The following ACOX1 variants were observed in gnomAD, a reference collection of about 807,000 sequenced individuals.
ACOX1 encodes the protein peroxisomal acyl-coenzyme A oxidase 1.
Under a neutral mutation model 75.5 loss-of-function variants are expected in ACOX1, and 41 were observed. The observed-to-expected ratio is 0.54, with a 90% CI of 0.42 to 0.70. The LOEUF is 0.70. Among genes scored for constraint, ACOX1 ranks in the 30% least tolerant of loss-of-function variants. The probability of loss-of-function intolerance (pLI) is 0.00; values close to 1 mark genes in which losing one functional copy is unlikely to be tolerated. For missense variants in ACOX1, 630 were observed against 837.5 expected, an observed-to-expected ratio of 0.75 and a Z score of 3.06; for synonymous variants, 303 against 298.8, an observed-to-expected ratio of 1.01 and a Z score of -0.15.
intron 6 of ACOX1, among the ~76,000 whole-genome samples, chr17:75,954,714 G>A (rs1230587045): frequency 1.3e-5 from 2 of 150,228 alleles, no homozygotes; most frequent in African/African-American, 4.9e-5. Context: ...TGAGATTACA[G>A]GCGTGTGCCA....
rs1221029962 is a variant in ACOX1 at position 75,978,241 on chromosome 17, CCCG to C, written c.269+290_269+292del. ...TCCCGAGTAGCTGGAACTACAGGCGCCCGCCACCACGCCCGGCTAATTTTTGTA... is the reference window on the plus strand; with the variant it reads ...TCCCGAGTAGCTGGAACTACAGGCGCCCACCACGCCCGGCTAATTTTTGTA... On this transcript the variant is annotated intron_variant, in intron 2 of 13. Transcript: ENST00000293217. The surrounding 1 kb of genome is among the most constrained non-coding windows in gnomAD (Gnocchi z 4.2). 1.3e-4 allele frequency among the ~76,000 whole-genome samples: 20 copies of C among 152,088 alleles called. No homozygotes were observed. Among genetic ancestry groups the C allele is most frequent in the African/African-American group, 4.8e-4 (20 of 41,412 alleles).
chr17:75,949,251 TAC>T lies in ACOX1; in HGVS notation c.1692_1693del (p.Tyr565TrpfsTer43). 6.2e-7 allele frequency: 1 copy of T among 1,614,230 alleles called. No homozygotes were observed. The highest frequency in any genetic ancestry group is 8.5e-7 in the Non-Finnish European group (1 of 1,180,036). On this transcript the variant is annotated frameshift_variant, in exon 12 of 14. Transcript: ENST00000293217. LOFTEE classifies it high-confidence loss of function. ...ATCCCCCGCGTTCTGACTGATTCCA[TAC>T]AGAGAATACAGCAGACATAAACTCC...
rs1259785428 is a variant in ACOX1, at chr17:75,978,925, T to C, written c.109+40A>G. 2 of 1,605,898 alleles carry C rather than the reference T, an allele frequency of 1.2e-6. No individual in the cohort carries two copies. The highest frequency in any genetic ancestry group is 2.7e-5 in the African/African-American group (2 of 74,806). On this transcript the variant is annotated intron_variant, in intron 1 of 13. Transcript: ENST00000293217. This position sits in a 1 kb window ranked among gnomAD's most constrained non-coding sequence, Gnocchi z 4.2. Reference sequence around the variant, plus strand: ...CTCCGCATCGAGGGAGTCTCCAGCTTTTCTCGGGAAAGGAGGGAGGTCTCG... The same window carrying C: ...CTCCGCATCGAGGGAGTCTCCAGCTCTTCTCGGGAAAGGAGGGAGGTCTCG...
chr17:75,948,359 T>A lies in ACOX1; in HGVS notation c.1827A>T (p.Ala609=), dbSNP rs1232205530. The A allele has an allele frequency of 6.2e-7, 1 of 1,614,148 alleles. No individual in the cohort carries two copies. Among genetic ancestry groups the A allele is most frequent in the South Asian group, 1.1e-5 (1 of 91,080 alleles). The change falls in exon 13 of 14, where the codon GCA becomes GCT. Residue 609 remains alanine (A), a synonymous_variant. Coordinates refer to ENST00000293217, the MANE Select transcript of ACOX1 (RefSeq NM_004035.7). ...IRSDAVALVD[A]FDFQDVTLGS... ...CAAGTGTCACATCCTGAAAATCAAA[T>A]GCATCAACCAAAGCAACAGCATCTG...
At position 75,978,295 on chromosome 17, in the gene ACOX1, G is replaced by A. The variant is rs1433333833; in HGVS notation, c.269+239C>T. 6.6e-6 allele frequency among the ~76,000 whole-genome samples: 1 copy of A among 151,810 alleles called. No individual in the cohort carries two copies. The highest frequency in any genetic ancestry group is 1.9e-4 in the East Asian group (1 of 5,162). The stretch of plus-strand genomic sequence containing the variant: ...TTTTCAGTAGAGATGGGGTTTCACC[G>A]TGTTAGCCAGAATGGTCTCGATCTC... On this transcript the variant is annotated intron_variant, in intron 2 of 13. Coordinates refer to ENST00000293217, the MANE Select transcript of ACOX1 (RefSeq NM_004035.7). The surrounding 1 kb of genome is among the most constrained non-coding windows in gnomAD (Gnocchi z 4.2).
At chr17:75,973,003 C>T (rs929504934) in intron 2 of ACOX1, among the ~76,000 whole-genome samples, 2 of 152,148 alleles carry the variant, frequency 1.3e-5, no homozygotes, top group African/African-American at 4.8e-5. Context: ...GAAAACAAAC[C>T]TATTTCACAT....
chr17:75,958,590 C>T (rs1219013627), intron 3 of ACOX1, among the ~76,000 whole-genome samples: 7 of 151,438 alleles, frequency 4.6e-5, no homozygotes, highest in African/African-American at 1.5e-4. Flanking sequence ...GGGCGGATCA[C>T]AAAGTCAGGA....
At chr17:75,957,390 T>C in intron 4 of ACOX1, 69 bp downstream of exon 4, 1 of 1,373,744 alleles carries the variant, frequency 7.3e-7, no homozygotes, top group Non-Finnish European at 1.0e-6. Flanking sequence ...TCATAAAAGC[T>C]CTACATTCTA....
In ACOX1 at chr17:75,945,725, T is replaced by G. The variant is rs886053450; in HGVS notation, c.*1023A>C. ...ACAAAGCCATACATAGAGTAAGAAA[T>G]AGAACCTATGGAACTTCCATTTTTC... On this transcript the variant is annotated 3_prime_UTR_variant, in exon 14 of 14. Coordinates refer to ENST00000293217, the MANE Select transcript of ACOX1 (RefSeq NM_004035.7). 9 of 153,778 alleles carry G rather than the reference T, an allele frequency of 5.9e-5. No homozygotes were observed. Among genetic ancestry groups the G allele is most frequent in the Non-Finnish European group, 5.9e-5 (4 of 68,022 alleles). The allele number at this position is 153,778 out of a possible 1,614,324, so 9.5% of individuals were successfully genotyped here.
At position 75,979,080 on chromosome 17, in the gene ACOX1, GA is replaced by G; in HGVS notation, c.-8del. 1 of 1,610,852 alleles carries G rather than the reference GA, an allele frequency of 6.2e-7. No individual in the cohort carries two copies. Among genetic ancestry groups the G allele is most frequent in the South Asian group, 1.1e-5 (1 of 91,082 alleles). On this transcript the variant is annotated 5_prime_UTR_variant, in exon 1 of 14. Coordinates refer to ENST00000293217, the MANE Select transcript of ACOX1 (RefSeq NM_004035.7). ...TGCGCAGGTCCGGGTTCATGGCGAC[GA>G]CCAGCTGGCAGCGAAGTAAGCACCG...
rs562126644 is a variant in ACOX1 at position 75,953,586 on chromosome 17, C to T, written c.809G>A (p.Ser270Asn). The change falls in exon 7 of 14, where the codon AGT becomes AAT. Residue 270 changes from serine to asparagine, a missense_variant. Coordinates refer to ENST00000293217, the MANE Select transcript of ACOX1 (RefSeq NM_004035.7). ...CATGGTCCCGTAAGTCAGCTTGTTA[C>T]TCAGCGGTTTCACGTATGTGCCATC... ...KPDGTYVKPL[S>N]NKLTYGTMVF... 1.2e-5 allele frequency: 19 copies of T among 1,614,178 alleles called. No homozygotes were observed. The African/African-American group carries it at 2.4e-4, about 20-fold the overall frequency.
intron 2 of ACOX1, among the ~76,000 whole-genome samples, chr17:75,962,027 A>AT (rs941350321): frequency 1.3e-5 from 2 of 151,838 alleles, no homozygotes; most frequent in Non-Finnish European, 1.5e-5. Flanking sequence ...CTAGGCTGGG[A>AT]TTTTTTTTCT....
At chr17:75,977,285 T>G (rs1315769591) in intron 2 of ACOX1, among the ~76,000 whole-genome samples, 1 of 151,950 alleles carries the variant, frequency 6.6e-6, no homozygotes, top group Non-Finnish European at 1.5e-5. Flanking sequence ...CATGAGCCAC[T>G]GTGCCCGGCC....
At chr17:75,975,468 TTTTC>T (rs2066039746) in intron 2 of ACOX1, among the ~76,000 whole-genome samples, 1 of 152,204 alleles carries the variant, frequency 6.6e-6, no homozygotes, top group African/African-American at 2.4e-5. Flanking sequence ...TCCCATTGTC[TTTTC>T]TATCTTACAT....
chr17:75,949,670 G>GCAA, intron 10 of ACOX1, 48 bp downstream of exon 10: 1 of 1,613,668 alleles, frequency 6.2e-7, no homozygotes, highest in Non-Finnish European at 8.5e-7. Flanking sequence ...CATCTGTCAG[G>GCAA]GCCCCAGCCC....
At chr17:75,972,326 C>CAAAA (rs2066003807) in intron 2 of ACOX1, among the ~76,000 whole-genome samples, 1 of 48,344 alleles carries the variant, frequency 2.1e-5, no homozygotes, top group Non-Finnish European at 3.5e-5. Context: ...GACTCTGTCT[C>CAAAA]CAAAAAAAAA....
rs1031467415 is a variant in ACOX1, at chr17:75,945,433, G to A, written c.*1315C>T. Reference sequence around the variant, plus strand: ...AAGTCTCATATTACCAGTTCCCCAGGATAGATAGATATTATGTCAGGTCCC... The same window carrying A: ...AAGTCTCATATTACCAGTTCCCCAGAATAGATAGATATTATGTCAGGTCCC... On this transcript the variant is annotated 3_prime_UTR_variant, in exon 14 of 14. Transcript: ENST00000293217. The A allele has an allele frequency of 1.3e-5, 2 of 151,972 alleles. No individual in the cohort carries two copies. Among genetic ancestry groups the A allele is most frequent in the Admixed American group, 6.6e-5 (1 of 15,238 alleles). 9.4% of individuals were successfully genotyped at this position (151,972 alleles called of 1,614,324 possible). A position where few individuals can be genotyped will look rare whatever the true frequency, so the allele number is the denominator to read the frequency against.
In ACOX1 at chr17:75,974,485, G is replaced by T. The variant is rs374670053; in HGVS notation, c.269+4049C>A. Among the ~76,000 whole-genome samples, 126 of 152,158 alleles carry T rather than the reference G, an allele frequency of 8.3e-4. 1 individual carries two copies. The highest frequency in any genetic ancestry group is 3.3e-4 in the Admixed American group (5 of 15,264). ...TACAAAACAGAATCCACAGTAGTTGGCCTTGGCTGTGCTGTGTCATAGATT... is the reference window on the plus strand; with the variant it reads ...TACAAAACAGAATCCACAGTAGTTGTCCTTGGCTGTGCTGTGTCATAGATT... On this transcript the variant is annotated intron_variant, in intron 2 of 13. Coordinates refer to ENST00000293217, the MANE Select transcript of ACOX1 (RefSeq NM_004035.7).
rs148148918 is a variant in ACOX1 at position 75,966,345 on chromosome 17, T to A, written c.270-5970A>T. ...GGTGGTGCACGCCTGTAATCCCAGC[T>A]ACTCAGGGGGCTGAGGCAGGAGAAT... On this transcript the variant is annotated intron_variant, in intron 2 of 13. Coordinates refer to ENST00000293217, the MANE Select transcript of ACOX1 (RefSeq NM_004035.7). Among the ~76,000 whole-genome samples the A allele has an allele frequency of 9.3e-3, 1,386 of 149,276 alleles. 18 individuals are homozygous for A. Among genetic ancestry groups the A allele is most frequent in the African/African-American group, 0.032 (1,286 of 40,548 alleles).
Sources: allele counts gnomAD v4.1 joint callset (sites outside exome capture counted in the v4.1 genomes callset), GRCh38; gene constraint gnomAD v4.1.1; non-coding constraint Gnocchi (gnomAD v3.1); transcripts MANE v1.5; gene names NCBI Gene and HGNC (gene_info 2026-07-23, HGNC 2026-07-21).